ALS2: variants seen among roughly 807,000 people sequenced by gnomAD.
The protein encoded by ALS2 is alsin.
ALS2 carries 117 observed loss-of-function variants against 203.4 expected under a neutral mutation model. That is an observed-to-expected ratio of 0.58 (90% CI 0.50 to 0.67). The LOEUF (loss-of-function observed/expected upper bound fraction) is 0.67, where lower values mean the gene tolerates loss of function less well. ALS2 is among the 30% of genes least tolerant of loss of function. The pLI is 0.00. For synonymous variants in ALS2, 718 were observed against 725.9 expected (o/e 0.99, Z 0.17); for missense variants, 1,715 against 1,989.4 (o/e 0.86, Z 2.62).
In ALS2 at chr2:201,755,014, T is replaced by G. The variant is rs373434784; in HGVS notation, c.1472-343A>C. On this transcript the variant is annotated intron_variant, in intron 5 of 33. Transcript: ENST00000264276. ...CCACAGAAACCTTTTCTGTACAACATCTAGTGACATCCTATAGAACTTGTA... is the reference window on the plus strand; with the variant it reads ...CCACAGAAACCTTTTCTGTACAACAGCTAGTGACATCCTATAGAACTTGTA... 2.0e-5 allele frequency among the ~76,000 whole-genome samples: 3 copies of G among 152,152 alleles called. No homozygotes were observed. In the East Asian group the frequency reaches 5.8e-4, roughly 29 times the overall value.
At chr2:201,766,158 T>A (rs1439668183) in intron 3 of ALS2, among the ~76,000 whole-genome samples, 1 of 152,238 alleles carries the variant, frequency 6.6e-6, no homozygotes, top group East Asian at 1.9e-4. Flanking sequence ...ATAGACTTAA[T>A]GAACAAAAGT....
intron 25 of ALS2, among the ~76,000 whole-genome samples, chr2:201,714,653 G>T (rs1036216513): frequency 6.6e-6 from 1 of 152,136 alleles, no homozygotes; most frequent in African/African-American, 2.4e-5. Context: ...AGATATTTTT[G>T]CTTTAGTCTC....
rs775695422 is a variant in ALS2, at chr2:201,767,342, T to C, written c.62A>G (p.His21Arg). The C allele has an allele frequency of 5.6e-6, 9 of 1,614,158 alleles. No individual in the cohort carries two copies. The East Asian group carries it at 8.9e-5, about 16-fold the overall frequency. Reference protein sequence around the residue: ...AEGSKERGLVHIWQAGSFPIT... With the variant: ...AEGSKERGLVRIWQAGSFPIT... ...GGGAAAGGATCCTGCCTGCCAGATA[T>C]GGACCAGGCCTCTTTCCTTGGATCC... The change falls in exon 3 of 34, where the codon CAT (histidine) becomes CGT (arginine). Residue 21 changes from histidine (H) to arginine (R), a missense_variant. By Grantham distance (29) the His-to-Arg change is conservative. Around this residue, in one of 3 missense-constraint regions of ALS2, gnomAD observed 476 missense variants for 539.3 expected, o/e 0.88. Coordinates refer to ENST00000264276, the MANE Select transcript of ALS2 (RefSeq NM_020919.4).
At chr2:201,725,991 T>C (rs114658783) in intron 19 of ALS2, among the ~76,000 whole-genome samples, 122 of 152,334 alleles carry the variant, frequency 8.0e-4, no homozygotes, top group African/African-American at 2.8e-3. Flanking sequence ...TGTAAATACA[T>C]TTACAGTGTT....
chr2:201,752,682 C>T (rs6435103), intron 7 of ALS2, among the ~76,000 whole-genome samples: 72,214 of 151,866 alleles, frequency 0.48, 20,170 homozygotes, highest in Non-Finnish European at 0.62. Context: ...TAAAAAAAAA[C>T]TTAAAACAAC....
intron 5 of ALS2, among the ~76,000 whole-genome samples, chr2:201,755,128 T>C (rs1173978121): frequency 6.6e-6 from 1 of 152,184 alleles, no homozygotes; most frequent in Non-Finnish European, 1.5e-5. Flanking sequence ...CCAGGCAAAG[T>C]GGCTGTAGTC....
At chr2:201,707,144 T>C in intron 28 of ALS2, 122 bp from the exon 29 acceptor site, 2 of 856,052 alleles carry the variant, frequency 2.3e-6, no homozygotes, top group Non-Finnish European at 3.8e-6. Context: ...AAAGAAGTTA[T>C]AATATTACTC....
intron 24 of ALS2, among the ~76,000 whole-genome samples, chr2:201,716,345 A>C (rs1465814193): frequency 6.6e-6 from 1 of 152,064 alleles, no homozygotes; most frequent in East Asian, 1.9e-4. Flanking sequence ...GGAGTTCAAG[A>C]CCAGCCAGGC....
chr2:201,706,944 A>G lies in ALS2; in HGVS notation c.4482T>C (p.Ala1494=). 1 of 1,614,120 alleles carries G rather than the reference A, an allele frequency of 6.2e-7. No individual in the cohort carries two copies. The highest frequency in any genetic ancestry group is 8.5e-7 in the Non-Finnish European group (1 of 1,179,994). Reference sequence around the variant, plus strand: ...TGTCTTCCTCGCGATCATTATCCAAAGCATAAAGCATAAACAGCGGTGGGT... The same window carrying G: ...TGTCTTCCTCGCGATCATTATCCAAGGCATAAAGCATAAACAGCGGTGGGT... ...RLYPPLFMLY[A]LDNDREEDIY... The change falls in exon 29 of 34, where the codon GCT becomes GCC. Residue 1494 remains alanine, a synonymous_variant. Coordinates refer to ENST00000264276, the MANE Select transcript of ALS2 (RefSeq NM_020919.4).
intron 13 of ALS2, among the ~76,000 whole-genome samples, chr2:201,730,372 T>C (rs1691480542): frequency 6.6e-6 from 1 of 152,180 alleles, no homozygotes; most frequent in African/African-American, 2.4e-5. Flanking sequence ...TTTTTTTCTA[T>C]AACATCAAAA....
intron 23 of ALS2, chr2:201,722,013 T>C (rs1243772871): frequency 6.6e-6 from 1 of 152,192 alleles, no homozygotes; most frequent in Non-Finnish European, 1.5e-5. Context: ...TTATAGAGTT[T>C]ATTAAAATGA....
intron 25 of ALS2, among the ~76,000 whole-genome samples, chr2:201,711,664 G>A (rs1690032674): frequency 6.6e-6 from 1 of 152,134 alleles, no homozygotes; most frequent in African/African-American, 2.4e-5. Flanking sequence ...ACTGGATGAA[G>A]ATACTAAGAG....
At position 201,768,848 on chromosome 2, in the gene ALS2, AG is replaced by A; in HGVS notation, c.20+17del. 6.2e-7 allele frequency: 1 copy of A among 1,611,952 alleles called. No individual in the cohort carries two copies. Among genetic ancestry groups the A allele is most frequent in the Non-Finnish European group, 8.5e-7 (1 of 1,178,202 alleles). Reference sequence around the variant, plus strand: ...TGTTTTCCTAGGAGGATAAGAGAAAAGGAAGAAATGATTTTACCTTCTCTTC... The same window carrying A: ...TGTTTTCCTAGGAGGATAAGAGAAAAGAAGAAATGATTTTACCTTCTCTTC... On this transcript the variant is annotated intron_variant, in intron 2 of 33. Transcript: ENST00000264276.
At chr2:201,702,867 G>GC (rs2105961177) in intron 33 of ALS2, among the ~76,000 whole-genome samples, 1 of 152,348 alleles carries the variant, frequency 6.6e-6, no homozygotes, top group South Asian at 2.1e-4. Flanking sequence ...TGTAATCCCA[G>GC]CGTTTTGGGA....
intron 14 of ALS2, 65 bp downstream of exon 14, chr2:201,728,987 G>C (rs1691369859): frequency 1.2e-6 from 2 of 1,610,368 alleles, no homozygotes; most frequent in Admixed American, 3.3e-5. Flanking sequence ...AGAGAAAATT[G>C]TATCAATTGT....
chr2:201,755,266 C>CT (rs373365981), intron 5 of ALS2, among the ~76,000 whole-genome samples: 5,056 of 149,558 alleles, frequency 0.034, 91 homozygotes, highest in African/African-American at 0.052. Context: ...GACACTGTCT[C>CT]TTTTTTTTTT....
intron 6 of ALS2, among the ~76,000 whole-genome samples, chr2:201,754,126 C>A (rs2106073485): frequency 6.6e-6 from 1 of 152,062 alleles, no homozygotes; most frequent in African/African-American, 2.4e-5. Flanking sequence ...GATTCTCCTG[C>A]CTCAGCCTCC....
intron 3 of ALS2, among the ~76,000 whole-genome samples, chr2:201,762,521 T>C (rs182633430): frequency 6.6e-6 from 1 of 152,242 alleles, no homozygotes; most frequent in Non-Finnish European, 1.5e-5. Context: ...TTATGCTTAC[T>C]GACTGAGCAT....
rs542076955 is a variant in ALS2 at position 201,757,123 on chromosome 2, TAAG to T, written c.1471+276_1471+278del. ...TGGAGTATCGGTCCCAATTAGGAAATAAGAAGGGTACTGTAACACTCCAGAACA... is the reference window on the plus strand; with the variant it reads ...TGGAGTATCGGTCCCAATTAGGAAATAAGGGTACTGTAACACTCCAGAACA... On this transcript the variant is annotated intron_variant, in intron 5 of 33. Coordinates refer to ENST00000264276, the MANE Select transcript of ALS2 (RefSeq NM_020919.4). 5.3e-5 allele frequency among the ~76,000 whole-genome samples: 8 copies of T among 152,210 alleles called. No homozygotes were observed. In the South Asian group the frequency reaches 1.0e-3, roughly 20 times the overall value.
Sources: gnomAD v4.1 joint callset for allele counts (sites outside exome capture counted in the v4.1 genomes callset) on GRCh38, gnomAD v4.1.1 for gene constraint, gnomAD v4.1.1 regional missense constraint, MANE v1.5 for transcripts, NCBI Gene and HGNC (gene_info 2026-07-23, HGNC 2026-07-21) for gene names.